CEP128: variants seen among roughly 807,000 people sequenced by gnomAD.
The protein encoded by CEP128 is centrosomal protein 128kDa.
In CEP128, 132 loss-of-function variants were observed where a neutral mutation model predicts 156.7. The ratio of observed to expected loss-of-function variants is 0.84; its 90% CI spans 0.73 to 0.97. The LOEUF (loss-of-function observed/expected upper bound fraction) is 0.97. Among genes scored for constraint, CEP128 ranks in the 50% least tolerant of loss-of-function variants. CEP128 has a pLI of 0.00. For missense variants in CEP128, 1,252 were observed against 1,281.9 expected, an observed-to-expected ratio of 0.98 and a Z score of 0.36; for synonymous variants, 469 against 448.9, an observed-to-expected ratio of 1.04 and a Z score of -0.57.
In CEP128 at chr14:80,933,324, C is replaced by CCCT. The variant is rs368791752; in HGVS notation, c.-16+6060_-16+6061insAGG. ...CACCATTCAGGGAGCTATAGCCACA[C>CCCT]CTCCAACAAGGTAGGAATCCCAGCC... On this transcript the variant is annotated intron_variant, in intron 2 of 24. Coordinates refer to ENST00000555265, the MANE Select transcript of CEP128 (RefSeq NM_152446.5). Among the ~76,000 whole-genome samples, 1,272 of 152,300 alleles carry CCCT rather than the reference C, an allele frequency of 8.4e-3. 12 individuals are homozygous for CCCT. Among genetic ancestry groups the CCCT allele is most frequent in the Non-Finnish European group, 0.01 (688 of 68,032 alleles).
intron 19 of CEP128, among the ~76,000 whole-genome samples, chr14:80,667,164 G>A (rs898840402): frequency 6.6e-6 from 1 of 152,122 alleles, no homozygotes; most frequent in African/African-American, 2.4e-5. Context: ...GTAGAGAAAG[G>A]GACACAGGAC....
chr14:80,642,760 C>CTT (rs879745503), intron 19 of CEP128, among the ~76,000 whole-genome samples: 7 of 145,294 alleles, frequency 4.8e-5, no homozygotes, highest in Non-Finnish European at 7.6e-5. Flanking sequence ...ACTTGACCCC[C>CTT]TTTTTTTTTT....
intron 19 of CEP128, among the ~76,000 whole-genome samples, chr14:80,683,843 GA>G (rs2139266907): frequency 6.6e-6 from 1 of 152,066 alleles, no homozygotes; most frequent in Admixed American, 6.6e-5. Context: ...ATACGAAAAT[GA>G]AAAAACTTGC....
chr14:80,598,185 G>GA (rs998820379), intron 19 of CEP128, among the ~76,000 whole-genome samples: 6 of 151,426 alleles, frequency 4.0e-5, no homozygotes, highest in South Asian at 2.1e-4. Context: ...TTGTCATCAT[G>GA]AAAAAAAATC....
At chr14:80,760,002 AC>A (rs946938653) in intron 17 of CEP128, among the ~76,000 whole-genome samples, 6 of 151,992 alleles carry the variant, frequency 3.9e-5, no homozygotes, top group Non-Finnish European at 5.9e-5. Flanking sequence ...CTGAAAACAA[AC>A]CATGCTGTTA....
chr14:80,576,566 C>A (rs188288344), intron 20 of CEP128, among the ~76,000 whole-genome samples: 6 of 152,018 alleles, frequency 3.9e-5, no homozygotes, highest in South Asian at 2.1e-4. Context: ...GAGGCTCCAC[C>A]CCCCCTGCCG....
At chr14:80,893,090 G>A (rs1889180474) in intron 8 of CEP128, among the ~76,000 whole-genome samples, 2 of 151,826 alleles carry the variant, frequency 1.3e-5, no homozygotes, top group Admixed American at 1.3e-4. Context: ...TCTGTTGATA[G>A]ACAAATGAAT....
At chr14:80,772,364 AGAG>A (rs1900556574) in intron 16 of CEP128, among the ~76,000 whole-genome samples, 1 of 152,128 alleles carries the variant, frequency 6.6e-6, no homozygotes, top group South Asian at 2.1e-4. Flanking sequence ...GGACGGTTGG[AGAG>A]GAGATCAGCT....
At chr14:80,531,283 A>C (rs1376836083) in intron 21 of CEP128, among the ~76,000 whole-genome samples, 1 of 152,202 alleles carries the variant, frequency 6.6e-6, no homozygotes, top group Non-Finnish European at 1.5e-5. Flanking sequence ...TTATCTATGG[A>C]GTATATTAGA....
At chr14:80,507,128 GATGCCGGTATC>G (rs1196357403) in intron 23 of CEP128, among the ~76,000 whole-genome samples, 2 of 151,910 alleles carry the variant, frequency 1.3e-5, no homozygotes, top group East Asian at 3.9e-4. Flanking sequence ...AAGCCAAGCA[GATGCCGGTATC>G]ATGCCTGTAT....
At chr14:80,778,466 G>C (rs1156531734) in intron 15 of CEP128, among the ~76,000 whole-genome samples, 2 of 152,182 alleles carry the variant, frequency 1.3e-5, no homozygotes, top group Admixed American at 6.5e-5. Context: ...GTTACTAACT[G>C]ATAAGTTCCC....
intron 15 of CEP128, among the ~76,000 whole-genome samples, chr14:80,781,576 A>G (rs894003018): frequency 7.2e-5 from 11 of 152,020 alleles, no homozygotes; most frequent in African/African-American, 2.7e-4. Context: ...AAGGTTTTTC[A>G]GTAGAAAGTG....
chr14:80,814,680 G>C (rs138884894), intron 13 of CEP128, among the ~76,000 whole-genome samples: 1 of 152,066 alleles, frequency 6.6e-6, no homozygotes, highest in African/African-American at 2.4e-5. Flanking sequence ...TCTTCTGGGC[G>C]TTGGTCTAAG....
Position 80,891,979 on chromosome 14 carries a change from A to C in CEP128, c.645+3739T>G, listed in dbSNP as rs193265033. On this transcript the variant is annotated intron_variant, in intron 8 of 24. Transcript: ENST00000555265. ...ATGAATCAGAAGAATTAATATTCTT[A>C]AATTATCCATACTACCCAAAGCAAA... 8.5e-4 allele frequency among the ~76,000 whole-genome samples: 129 copies of C among 152,112 alleles called. 1 individual carries two copies. In the East Asian group the frequency reaches 0.021, roughly 24 times the overall value.
At chr14:80,916,584 A>T in intron 2 of CEP128, 22 bp from the exon 3 acceptor site, 1 of 1,572,826 alleles carries the variant, frequency 6.4e-7, no homozygotes, top group Non-Finnish European at 8.7e-7. Flanking sequence ...ATATAGGTCA[A>T]AGTTAATGAA....
intron 19 of CEP128, among the ~76,000 whole-genome samples, chr14:80,695,196 TAGAAA>T (rs764041435): frequency 2.9e-4 from 42 of 142,606 alleles, no homozygotes; most frequent in Admixed American, 2.1e-4. Flanking sequence ...ACGAAAGAAA[TAGAAA>T]AGAAAAGAAA....
At chr14:80,616,848 T>C (rs1893233867) in intron 19 of CEP128, among the ~76,000 whole-genome samples, 1 of 152,194 alleles carries the variant, frequency 6.6e-6, no homozygotes, top group Non-Finnish European at 1.5e-5. Flanking sequence ...AGAGATCATG[T>C]AGTTTAAAAA....
At chr14:80,949,575 A>G (rs1451188701) in intron 2 of CEP128, among the ~76,000 whole-genome samples, 3 of 152,162 alleles carry the variant, frequency 2.0e-5, no homozygotes, top group Non-Finnish European at 4.4e-5. Flanking sequence ...AATTCATGGA[A>G]CACTGGCTAG....
chr14:80,836,877 T>C lies in CEP128; in HGVS notation c.925-540A>G, dbSNP rs1304245773. ...CTAGCACATAGCAGGTACTTCCAAATGAACATTAAACAAGTTAACAGTGGC... is the reference window on the plus strand; with the variant it reads ...CTAGCACATAGCAGGTACTTCCAAACGAACATTAAACAAGTTAACAGTGGC... On this transcript the variant is annotated intron_variant, in intron 11 of 24. Coordinates refer to ENST00000555265, the MANE Select transcript of CEP128 (RefSeq NM_152446.5). 2.0e-5 allele frequency among the ~76,000 whole-genome samples: 3 copies of C among 152,298 alleles called. No homozygotes were observed. In the East Asian group the frequency reaches 5.8e-4, roughly 29 times the overall value.
Sources: allele counts gnomAD v4.1 joint callset (sites outside exome capture counted in the v4.1 genomes callset), GRCh38; gene constraint gnomAD v4.1.1; transcripts MANE v1.5; gene names NCBI Gene and HGNC (gene_info 2026-07-23, HGNC 2026-07-21).